PLEKHD1: variants seen among roughly 807,000 people sequenced by gnomAD.
The protein encoded by PLEKHD1 is pleckstrin homology domain-containing family D member 1.
In PLEKHD1, 51 loss-of-function variants were observed where a neutral mutation model predicts 69.2. That is an observed-to-expected ratio of 0.74 (90% CI 0.59 to 0.93). The LOEUF is 0.93. Among genes scored for constraint, PLEKHD1 ranks in the 40% least tolerant of loss-of-function variants. The probability of loss-of-function intolerance (pLI) is 0.00; values close to 1 mark genes in which losing one functional copy is unlikely to be tolerated. For synonymous variants in PLEKHD1, 236 were observed against 244.7 expected, an observed-to-expected ratio of 0.96 and a Z score of 0.33; for missense variants, 584 against 641.0, an observed-to-expected ratio of 0.91 and a Z score of 0.96.
upstream of PLEKHD1, chr14:69,484,715 C>T (rs1882612482): frequency 4.7e-6 from 2 of 427,502 alleles, no homozygotes; most frequent in Non-Finnish European, 8.3e-6. Flanking sequence ...CGAGGCTGAG[C>T]CACCCTCCCC....
intron 6 of PLEKHD1, among the ~76,000 whole-genome samples, chr14:69,512,440 TTC>T (rs1277853383): frequency 1.3e-5 from 2 of 152,126 alleles, no homozygotes; most frequent in Admixed American, 6.5e-5. Context: ...TGATTTAATT[TTC>T]TCTTTTTTTT....
At chr14:69,488,928 A>G (rs1344571952) in intron 1 of PLEKHD1, among the ~76,000 whole-genome samples, 2 of 152,096 alleles carry the variant, frequency 1.3e-5, no homozygotes, top group African/African-American at 4.8e-5. Context: ...CTGTGCTGGT[A>G]GCATCCAGGT....
intron 10 of PLEKHD1, 74 bp downstream of exon 10, chr14:69,526,903 G>A (rs934553066): frequency 4.8e-6 from 7 of 1,447,570 alleles, no homozygotes; most frequent in East Asian, 2.5e-5. Flanking sequence ...GCACTTTACC[G>A]GGTAGCTGCA....
At chr14:69,503,773 A>G (rs1594981364) in intron 6 of PLEKHD1, 1 of 145,598 alleles carries the variant, frequency 6.9e-6, no homozygotes, top group South Asian at 2.2e-4. Flanking sequence ...CTGAGGCAGG[A>G]GAATCGCTTG....
At chr14:69,477,465 T>A in the PLEKHD1 span, among the ~76,000 whole-genome samples, 25,822 of 152,040 alleles carry the variant, frequency 0.17, 2,358 homozygotes, top group South Asian at 0.24. Context: ...GTCCCCCAGG[T>A]CTTAACTCAT....
chr14:69,473,751 G>A, the PLEKHD1 span, among the ~76,000 whole-genome samples: 81 of 152,348 alleles, frequency 5.3e-4, no homozygotes, highest in Middle Eastern at 6.8e-3. Flanking sequence ...GAGCCCAGTG[G>A]AGAAGGGGAT....
Position 69,528,406 on chromosome 14 carries a change from G to A in PLEKHD1, c.1508G>A (p.Arg503Gln), listed in dbSNP as rs899153016. Residue 503 changes from arginine to glutamine, a missense_variant, in exon 13 of 13, where the codon CGG becomes CAG. By Grantham distance (43) the Arg-to-Gln change is conservative. Transcript: ENST00000322564. Reference protein sequence around the residue: ...TQPGAPSALSRGGK With the variant: ...TQPGAPSALSQGGK ...CCTGGAGCCCCCTCGGCACTCTCCCGGGGTGGAAAGTGATGGGCGCTCCTC... is the reference window on the plus strand; with the variant it reads ...CCTGGAGCCCCCTCGGCACTCTCCCAGGGTGGAAAGTGATGGGCGCTCCTC... 207 of 1,550,840 alleles carry A rather than the reference G, an allele frequency of 1.3e-4. 1 individual carries two copies. In the Middle Eastern group the frequency reaches 1.6e-3, roughly 12 times the overall value.
Position 69,484,844 on chromosome 14 carries a change from G to C in PLEKHD1, c.-122G>C. 8.2e-7 allele frequency: 1 copy of C among 1,216,812 alleles called. No homozygotes were observed. The allele number at this position is 1,216,812 out of a possible 1,614,324, so 75.4% of individuals were successfully genotyped here. On this transcript the variant is annotated 5_prime_UTR_variant, in exon 1 of 13. Coordinates refer to ENST00000322564, the MANE Select transcript of PLEKHD1 (RefSeq NM_001161498.2). ...CTTTGATGCTGCAGCTCCGGGCCGG[G>C]CCGCTCTGCTTCTCTGCTCGCTGGG...
rs1883681891 is a variant in PLEKHD1, at chr14:69,527,441, G to A, written c.1201+109G>A. 4.8e-6 allele frequency: 7 copies of A among 1,446,282 alleles called. No individual in the cohort carries two copies. The Middle Eastern group carries it at 7.2e-4, about 149-fold the overall frequency. 89.6% of individuals were successfully genotyped at this position (1,446,282 alleles called of 1,614,324 possible). On this transcript the variant is annotated intron_variant, in intron 11 of 12. Coordinates refer to ENST00000322564, the MANE Select transcript of PLEKHD1 (RefSeq NM_001161498.2). The stretch of plus-strand genomic sequence containing the variant: ...ACACAGGGTCTGCTAGGCATGAGGT[G>A]CTCCCTGGATATTGAAGGGTTTCTT...
At chr14:69,480,169 C>T (rs1594968422), upstream of PLEKHD1, among the ~76,000 whole-genome samples, 1 of 152,214 alleles carries the variant, frequency 6.6e-6, no homozygotes, top group African/African-American at 2.4e-5. Flanking sequence ...CAGCTGAAAT[C>T]GGTGCCACAG....
chr14:69,501,991 C>A lies in PLEKHD1; in HGVS notation c.502+166C>A, dbSNP rs41476145. ...AGGGCTTCCTGGTACACTACGCATC[C>A]TTTTGGCCAACATGACTGAAGGCAG... On this transcript the variant is annotated intron_variant, in intron 5 of 12. Transcript: ENST00000322564. The A allele has an allele frequency of 9.6e-3, 5,425 of 567,716 alleles. 154 individuals carry two copies. The highest frequency in any genetic ancestry group is 0.07 in the African/African-American group (3,721 of 52,870). 35.2% of individuals were successfully genotyped at this position (567,716 alleles called of 1,614,324 possible). A position where few individuals can be genotyped will look rare whatever the true frequency, so the allele number is the denominator to read the frequency against.
At chr14:69,510,415 T>C (rs1173729696) in intron 6 of PLEKHD1, among the ~76,000 whole-genome samples, 2 of 152,240 alleles carry the variant, frequency 1.3e-5, no homozygotes, top group African/African-American at 2.4e-5. Context: ...TTTTTAGATT[T>C]ATACCTAAGT....
chr14:69,523,301 C>T (rs1210647906), intron 7 of PLEKHD1, among the ~76,000 whole-genome samples: 3 of 152,180 alleles, frequency 2.0e-5, no homozygotes, highest in Non-Finnish European at 4.4e-5. Flanking sequence ...GTGGAGACTG[C>T]TGCTGTGGGT....
the PLEKHD1 span, among the ~76,000 whole-genome samples, chr14:69,472,986 T>G: frequency 1.4e-4 from 21 of 152,318 alleles, no homozygotes; most frequent in Admixed American, 1.2e-3. Context: ...TGCATGCTCC[T>G]TATGAGAATC....
intron 1 of PLEKHD1, among the ~76,000 whole-genome samples, chr14:69,497,876 A>G (rs887600107): frequency 1.3e-5 from 2 of 152,106 alleles, no homozygotes; most frequent in African/African-American, 4.8e-5. Context: ...GTGGCCGGTC[A>G]GAGAGGGTAG....
chr14:69,518,780 C>T (rs917641244), intron 6 of PLEKHD1, among the ~76,000 whole-genome samples: 5 of 152,080 alleles, frequency 3.3e-5, no homozygotes, highest in South Asian at 2.1e-4. Flanking sequence ...GGGGATAAGC[C>T]GGACCCATTG....
intron 1 of PLEKHD1, among the ~76,000 whole-genome samples, chr14:69,496,723 T>G (rs567555614): frequency 5.8e-4 from 87 of 149,656 alleles, no homozygotes; most frequent in African/African-American, 2.0e-3. Flanking sequence ...TTTTTTTTTT[T>G]TAATGTAGAG....
In PLEKHD1 at chr14:69,501,755, G is replaced by T. The variant is rs1404668042; in HGVS notation, c.432G>T (p.Leu144=). The T allele has an allele frequency of 1.3e-6, 2 of 1,551,372 alleles. No homozygotes were observed. The highest frequency in any genetic ancestry group is 1.4e-5 in the African/African-American group (1 of 73,044). ...CCAGGACCTGGAAGAATGCCCAGCTGGGAGAAGCCATGATCAAAAGCCTGG... is the reference window on the plus strand; with the variant it reads ...CCAGGACCTGGAAGAATGCCCAGCTTGGAGAAGCCATGATCAAAAGCCTGG... ...SGKVTWKNAQ[L]GEAMIKSLEA... Residue 144 remains leucine (L), a synonymous_variant, in exon 5 of 13, where the codon CTG becomes CTT. Coordinates refer to ENST00000322564, the MANE Select transcript of PLEKHD1 (RefSeq NM_001161498.2).
intron 1 of PLEKHD1, among the ~76,000 whole-genome samples, chr14:69,489,944 G>A (rs921278446): frequency 6.6e-6 from 1 of 152,178 alleles, no homozygotes; most frequent in African/African-American, 2.4e-5. Flanking sequence ...TTGGCTCACT[G>A]CAACCTCTGC....
Sources: allele counts gnomAD v4.1 joint callset (sites outside exome capture counted in the v4.1 genomes callset), GRCh38; gene constraint gnomAD v4.1.1; transcripts MANE v1.5; gene names NCBI Gene and HGNC (gene_info 2026-07-23, HGNC 2026-07-21).